The following MGAT5 variants were observed in gnomAD, a reference collection of about 807,000 sequenced individuals.
MGAT5 encodes the protein alpha-1,6-mannosylglycoprotein 6-beta-N-acetylglucosaminyltransferase A.
A neutral mutation model predicts 94.3 loss-of-function variants in MGAT5; 30 were observed. That is an observed-to-expected ratio of 0.32 (90% CI 0.24 to 0.43). MGAT5 has a LOEUF of 0.43. Ranked by LOEUF, MGAT5 falls within the 20% of genes least tolerant of loss-of-function variation. The probability of loss-of-function intolerance (pLI) is 1.00; values close to 1 mark genes in which losing one functional copy is unlikely to be tolerated. For missense variants in MGAT5, 691 were observed against 905.5 expected (o/e 0.76, Z 3.04); for synonymous variants, 310 against 322.9 (o/e 0.96, Z 0.43).
At position 134,448,641 on chromosome 2, in the gene MGAT5, C is replaced by G. The variant is rs1558896130; in HGVS notation, c.2028-8C>G. On this transcript the variant is annotated splice_polypyrimidine_tract_variant and splice_region_variant and intron_variant, in intron 15 of 15. Coordinates refer to ENST00000281923, the MANE Select transcript of MGAT5 (RefSeq NM_002410.5). ...CACCAACACTTGTGCCTTTCTCTTC[C>G]TCTTCAGGTACAAGGTGACCTGCCA... The G allele has an allele frequency of 6.2e-7, 1 of 1,613,910 alleles. No homozygotes were observed. The highest frequency in any genetic ancestry group is 1.7e-5 in the Admixed American group (1 of 60,016).
chr2:134,247,543 G>A (rs374467586), intron 1 of MGAT5, among the ~76,000 whole-genome samples: 3 of 152,156 alleles, frequency 2.0e-5, no homozygotes, highest in Non-Finnish European at 2.9e-5. Flanking sequence ...TTAGGATTTG[G>A]CATGTCAAAC....
intron 1 of MGAT5, among the ~76,000 whole-genome samples, chr2:134,219,443 A>G (rs528798754): frequency 2.0e-5 from 3 of 152,218 alleles, no homozygotes; most frequent in African/African-American, 4.8e-5. Context: ...TCTCTCTCCC[A>G]TGCCGGTGAC....
At chr2:134,445,969 T>C (rs1685747536) in intron 15 of MGAT5, among the ~76,000 whole-genome samples, 1 of 152,134 alleles carries the variant, frequency 6.6e-6, no homozygotes, top group Non-Finnish European at 1.5e-5. Context: ...TGCTCAGAGC[T>C]ATGGGATGGG....
chr2:134,181,300 C>T (rs1022572431), intron 1 of MGAT5, among the ~76,000 whole-genome samples: 2 of 152,282 alleles, frequency 1.3e-5, no homozygotes, highest in Admixed American at 6.5e-5. Context: ...AATTATCCAG[C>T]GTAAATAGTA....
intron 10 of MGAT5, among the ~76,000 whole-genome samples, chr2:134,381,330 C>CATAGATAGATAGATAGATAG (rs10637591): frequency 0.016 from 1,081 of 67,806 alleles, 36 homozygotes; most frequent in East Asian, 0.048. Flanking sequence ...AGACCTGTCT[C>CATAGATAGATAGATAGATAG]ATAGATAGAT....
At chr2:134,346,218 G>A (rs1489348386) in intron 8 of MGAT5, among the ~76,000 whole-genome samples, 2 of 152,082 alleles carry the variant, frequency 1.3e-5, no homozygotes, top group African/African-American at 2.4e-5. Flanking sequence ...ACATATCCTC[G>A]CTGTTAAGAA....
chr2:134,138,060 A>C (rs1176082610), intron 1 of MGAT5, among the ~76,000 whole-genome samples: 2 of 150,898 alleles, frequency 1.3e-5, no homozygotes, highest in Non-Finnish European at 1.5e-5. Context: ...GGCGCTGGTC[A>C]CTGGTCACTG....
chr2:134,339,489 G>T (rs1688511291), intron 6 of MGAT5, among the ~76,000 whole-genome samples: 1 of 152,112 alleles, frequency 6.6e-6, no homozygotes, highest in Non-Finnish European at 1.5e-5. Context: ...TAAAAATAAA[G>T]GAGATGGTGA....
intron 9 of MGAT5, among the ~76,000 whole-genome samples, chr2:134,356,890 C>G (rs769739020): frequency 3.7e-4 from 56 of 152,156 alleles, no homozygotes; most frequent in Non-Finnish European, 6.0e-4. Context: ...CTGTGACCTC[C>G]TCTTTTAAAA....
chr2:134,193,512 C>T (rs1256658999), intron 1 of MGAT5, among the ~76,000 whole-genome samples: 1 of 152,196 alleles, frequency 6.6e-6, no homozygotes, highest in Non-Finnish European at 1.5e-5. Context: ...GCTGGCTCTT[C>T]ACACAGCAGC....
At chr2:134,228,154 C>T (rs1681163057) in intron 1 of MGAT5, among the ~76,000 whole-genome samples, 1 of 152,074 alleles carries the variant, frequency 6.6e-6, no homozygotes, top group African/African-American at 2.4e-5. Flanking sequence ...TGAGACCAGT[C>T]ACAGGAACAA....
chr2:134,414,197 T>G (rs1227716532), intron 12 of MGAT5, among the ~76,000 whole-genome samples: 1 of 151,940 alleles, frequency 6.6e-6, no homozygotes, highest in Non-Finnish European at 1.5e-5. Flanking sequence ...ATAATAAATT[T>G]GAATTCTTCA....
At chr2:134,223,507 A>G (rs1319638793) in intron 1 of MGAT5, among the ~76,000 whole-genome samples, 1 of 151,832 alleles carries the variant, frequency 6.6e-6, no homozygotes, top group Non-Finnish European at 1.5e-5. Flanking sequence ...CGAAAAAGGA[A>G]CCTCTTCCAT....
intron 9 of MGAT5, among the ~76,000 whole-genome samples, chr2:134,355,225 G>C (rs896403956): frequency 1.4e-4 from 22 of 152,274 alleles, no homozygotes; most frequent in Admixed American, 5.9e-4. Flanking sequence ...TCCTCCCACT[G>C]AAAAAGGCTC....
intron 2 of MGAT5, among the ~76,000 whole-genome samples, chr2:134,302,881 C>T (rs1686111427): frequency 6.6e-6 from 1 of 151,946 alleles, no homozygotes; most frequent in African/African-American, 2.4e-5. Flanking sequence ...TTCTCTTTCT[C>T]ATTTGCTTTT....
chr2:134,191,957 C>T (rs983971197), intron 1 of MGAT5, among the ~76,000 whole-genome samples: 2 of 147,966 alleles, frequency 1.4e-5, no homozygotes, highest in Non-Finnish European at 3.0e-5. Flanking sequence ...CCTCCTTCTC[C>T]TCCTGCTCGC....
chr2:134,391,874 G>C (rs1205402721), intron 10 of MGAT5, among the ~76,000 whole-genome samples: 2 of 152,192 alleles, frequency 1.3e-5, no homozygotes, highest in African/African-American at 2.4e-5. Context: ...GAGGGAGGGT[G>C]GTTATTACCT....
intron 2 of MGAT5, among the ~76,000 whole-genome samples, chr2:134,307,167 CTATT>C (rs963119827): frequency 1.8e-4 from 27 of 152,002 alleles, no homozygotes; most frequent in Admixed American, 1.7e-3. Flanking sequence ...GTTAAAGAGA[CTATT>C]TAAGAAAAGC....
intron 1 of MGAT5, among the ~76,000 whole-genome samples, chr2:134,149,198 C>T (rs1028142794): frequency 6.6e-6 from 1 of 152,058 alleles, no homozygotes; most frequent in Non-Finnish European, 1.5e-5. Context: ...GAGGTCAGGC[C>T]CAGGCAAGTT....
Sources: allele counts gnomAD v4.1 joint callset (sites outside exome capture counted in the v4.1 genomes callset), GRCh38; gene constraint gnomAD v4.1.1; transcripts MANE v1.5; gene names NCBI Gene and HGNC (gene_info 2026-07-23, HGNC 2026-07-21).